The following GDE1 variants were observed in gnomAD, a reference collection of about 807,000 sequenced individuals.
The protein encoded by GDE1 is glycerophosphodiester phosphodiesterase 1.
A neutral mutation model predicts 32.2 loss-of-function variants in GDE1; 24 were observed. The ratio of observed to expected loss-of-function variants is 0.75; its 90% confidence interval spans 0.54 to 1.05. The LOEUF (loss-of-function observed/expected upper bound fraction) is 1.05. GDE1 is among the 50% of genes least tolerant of loss of function. The pLI, the probability that GDE1 is intolerant of heterozygous loss-of-function variation, is 0.00. For missense variants in GDE1, 380 were observed against 415.0 expected, an observed-to-expected ratio of 0.92 and a Z score of 0.73; for synonymous variants, 159 against 158.6, an observed-to-expected ratio of 1.00 and a Z score of -0.02.
In GDE1 at chr16:19,521,900, A is replaced by T; in HGVS notation, c.65T>A (p.Leu22Gln). The T allele has an allele frequency of 6.3e-7, 1 of 1,596,306 alleles. No homozygotes were observed. The highest frequency in any genetic ancestry group is 8.5e-7 in the Non-Finnish European group (1 of 1,172,308). Residue 22 changes from leucine to glutamine, a missense_variant, in exon 1 of 6, where the codon CTG becomes CAG. Coordinates refer to ENST00000353258, the MANE Select transcript of GDE1 (RefSeq NM_016641.4). ...GPFSFLLLVL[L>Q]LVTRSPVNAC... ...ATTGACCGGGCTCCGCGTCACCAGC[A>T]GCAGCACTAGCAGCAGGAAGGAGAA...
chr16:19,509,134 T>C (rs542161756), intron 3 of GDE1, among the ~76,000 whole-genome samples: 2 of 152,294 alleles, frequency 1.3e-5, no homozygotes, highest in African/African-American at 4.8e-5. Context: ...AAACCCCATC[T>C]CTACTAAATA....
intron 1 of GDE1, 130 bp from the exon 2 acceptor site, chr16:19,517,319 A>T: frequency 1.5e-6 from 1 of 675,984 alleles, no homozygotes; most frequent in Non-Finnish European, 2.6e-6. Flanking sequence ...CACTTCCCCC[A>T]CCAAACAGCA....
At chr16:19,510,633 T>TGGAAAC (rs1341074553) in intron 3 of GDE1, among the ~76,000 whole-genome samples, 1 of 152,196 alleles carries the variant, frequency 6.6e-6, no homozygotes, top group East Asian at 1.9e-4. Context: ...TTTTGTAAAG[T>TGGAAAC]TTCCATAAAA....
At chr16:19,507,647 C>A in intron 4 of GDE1, 40 bp downstream of exon 4, 1 of 983,696 alleles carries the variant, frequency 1.0e-6, no homozygotes, top group South Asian at 1.3e-5. Flanking sequence ...TTATCTACAC[C>A]AGCTCACCTA....
intron 2 of GDE1, among the ~76,000 whole-genome samples, chr16:19,512,857 T>C (rs889594353): frequency 3.3e-5 from 5 of 151,890 alleles, no homozygotes; most frequent in Non-Finnish European, 5.9e-5. Context: ...TCATGGAAAA[T>C]CAGTTGGCTG....
rs1268157936 is a variant in GDE1 at position 19,517,083 on chromosome 16, G to C, written c.368C>G (p.Thr123Ser). 1 of 1,614,002 alleles carries C rather than the reference G, an allele frequency of 6.2e-7. No homozygotes were observed. Among genetic ancestry groups the C allele is most frequent in the African/African-American group, 1.3e-5 (1 of 74,930 alleles). ...AAATGTCAAATCACACAATCGCCCA[G>C]TCCCATCAGTCGTCCTATCTACTGT... ...DNTVDRTTDG[T>S]GRLCDLTFEQ... is the part of the protein sequence containing the mutation. The change falls in exon 2 of 6, where the codon ACT becomes AGT. Residue 123 changes from threonine to serine, a missense_variant. By Grantham distance (58) the Thr-to-Ser change is moderately conservative. Transcript: ENST00000353258.
chr16:19,518,964 C>G (rs1969414994), intron 1 of GDE1, among the ~76,000 whole-genome samples: 1 of 152,048 alleles, frequency 6.6e-6, no homozygotes, highest in South Asian at 2.1e-4. Context: ...TTTTCCCCAC[C>G]AATAAGTAGT....
intron 4 of GDE1, among the ~76,000 whole-genome samples, chr16:19,506,126 A>G (rs998787428): frequency 2.0e-5 from 3 of 152,076 alleles, no homozygotes; most frequent in Non-Finnish European, 4.4e-5. Flanking sequence ...CTTGCCAAGA[A>G]TAACCAACCC....
intron 2 of GDE1, 132 bp from the exon 3 acceptor site, chr16:19,511,076 C>T: frequency 2.0e-6 from 1 of 505,728 alleles, no homozygotes; most frequent in Middle Eastern, 3.2e-4. Flanking sequence ...TCGACCATAG[C>T]AAAGTCCAAA....
In GDE1 at chr16:19,522,001, C is replaced by T. The variant is rs372769514; in HGVS notation, c.-37G>A. 1.6e-3 allele frequency: 2,429 copies of T among 1,509,438 alleles called. 2 individuals are homozygous for T. Among genetic ancestry groups the T allele is most frequent in the Non-Finnish European group, 2.0e-3 (2,250 of 1,125,422 alleles). 93.5% of individuals were successfully genotyped at this position (1,509,438 alleles called of 1,614,324 possible). ...CACCGGCACGGACGGGAGTCCCGGA[C>T]CCGCCGGGCTCCTGGGGCAGTAGAA... is the stretch of plus-strand genomic sequence containing the variant. On this transcript the variant is annotated 5_prime_UTR_variant, in exon 1 of 6. Transcript: ENST00000353258.
chr16:19,521,580 G>A (rs1299923587), intron 1 of GDE1, 124 bp downstream of exon 1: 3 of 1,072,252 alleles, frequency 2.8e-6, no homozygotes, highest in East Asian at 4.9e-5. Context: ...AGGGCCGGGA[G>A]TGTGCCTTGT....
At chr16:19,509,626 AAAATT>A (rs1969290823) in intron 3 of GDE1, among the ~76,000 whole-genome samples, 1 of 152,044 alleles carries the variant, frequency 6.6e-6, no homozygotes, top group African/African-American at 2.4e-5. Flanking sequence ...AACTGTTAAT[AAAATT>A]AGAGTGTATA....
intron 5 of GDE1, 189 bp downstream of exon 5, chr16:19,504,692 T>C (rs1286488972): frequency 3.6e-6 from 2 of 552,472 alleles, no homozygotes; most frequent in Non-Finnish European, 6.4e-6. Context: ...TGTGATCGAC[T>C]CGGTCTGAAA....
chr16:19,521,732 G>C lies in GDE1; in HGVS notation c.233C>G (p.Pro78Arg), dbSNP rs547328786. Reference sequence around the variant, plus strand: ...CCGAATGGCCGCCAGCGTGTTCTCGGGCGCGTCGTGGCTGCCGCCACGGTG... The same window carrying C: ...CCGAATGGCCGCCAGCGTGTTCTCGCGCGCGTCGTGGCTGCCGCCACGGTG... ...IAHRGGSHDA[P>R]ENTLAAIRQA... The change falls in exon 1 of 6, where the codon CCC (proline) becomes CGC (arginine). Residue 78 changes from proline (P) to arginine (R), a missense_variant. Physicochemically the swap from Pro to Arg is moderately radical, Grantham distance 103. Transcript: ENST00000353258. 7 of 1,612,154 alleles carry C rather than the reference G, an allele frequency of 4.3e-6. No individual in the cohort carries two copies. In the South Asian group the frequency reaches 7.7e-5, roughly 18 times the overall value.
chr16:19,502,345 A>C lies in GDE1; in HGVS notation c.*1125T>G, dbSNP rs1442111930. 6.6e-6 allele frequency: 1 copy of C among 151,404 alleles called. No homozygotes were observed. The allele number at this position is 151,404 out of a possible 1,614,324, so 9.4% of individuals were successfully genotyped here. On this transcript the variant is annotated 3_prime_UTR_variant, in exon 6 of 6. Transcript: ENST00000353258. ...ACTTGTATAGTTTCTGGCTAACTGT[A>C]AACAAGATGTTCTAGAAGTTCTAGT...
In GDE1 at chr16:19,507,678, G is replaced by A. The variant is rs770858354; in HGVS notation, c.636+9C>T. ...ACCTAATATGTACAAGAAAAATCCC[G>A]AATGTTACCTTGTAGATAACTTCTG... On this transcript the variant is annotated intron_variant, in intron 4 of 5. Coordinates refer to ENST00000353258, the MANE Select transcript of GDE1 (RefSeq NM_016641.4). 1.4e-5 allele frequency: 20 copies of A among 1,424,932 alleles called. No homozygotes were observed. The highest frequency in any genetic ancestry group is 4.2e-5 in the African/African-American group (3 of 71,314). 88.3% of individuals were successfully genotyped at this position (1,424,932 alleles called of 1,614,324 possible).
chr16:19,507,035 A>G (rs1180827932), intron 4 of GDE1, among the ~76,000 whole-genome samples: 1 of 148,626 alleles, frequency 6.7e-6, no homozygotes, highest in Non-Finnish European at 1.5e-5. Context: ...GCTACTTGGA[A>G]GGCTGAGGCA....
chr16:19,511,524 AT>A (rs1969318736), intron 2 of GDE1, among the ~76,000 whole-genome samples: 1 of 152,148 alleles, frequency 6.6e-6, no homozygotes, highest in Non-Finnish European at 1.5e-5. Flanking sequence ...GGTATTTAGG[AT>A]GTCCATCACC....
At position 19,505,026 on chromosome 16, in the gene GDE1, C is replaced by T; in HGVS notation, c.703G>A (p.Gly235Arg). The change falls in exon 5 of 6, where the codon GGA (glycine) becomes AGA (arginine). Residue 235 changes from glycine (G) to arginine (R), a missense_variant. By Grantham distance (125) the Gly-to-Arg change is moderately radical (BLOSUM62 -2). Transcript: ENST00000353258. ...THRPWSLSHT[G>R]DGKPRYDTFW... ...GTATCATAGCGTGGTTTCCCATCTC[C>T]TGTATGGCTTAGGCTCCAAGGTCTG... 6.2e-7 allele frequency: 1 copy of T among 1,613,116 alleles called. No homozygotes were observed. Among genetic ancestry groups the T allele is most frequent in the East Asian group, 2.2e-5 (1 of 44,880 alleles).
Sources: allele counts gnomAD v4.1 joint callset (sites outside exome capture counted in the v4.1 genomes callset), GRCh38; gene constraint gnomAD v4.1.1; transcripts MANE v1.5; gene names NCBI Gene and HGNC (gene_info 2026-07-23, HGNC 2026-07-21).